Variants in F2RL1 observed in about 807,000 individuals in gnomAD.
F2RL1 encodes the protein proteinase-activated receptor 2.
F2RL1 carries 16 observed loss-of-function variants against 21.7 expected under a neutral mutation model. The observed-to-expected ratio is 0.74, with a 90% confidence interval of 0.50 to 1.12. The LOEUF (loss-of-function observed/expected upper bound fraction) is 1.12, where lower values mean the gene tolerates loss of function less well. Ranked by LOEUF, F2RL1 falls within the 50% of genes most tolerant of loss-of-function variation. The probability of loss-of-function intolerance (pLI) is 0.00; values close to 1 mark genes in which losing one functional copy is unlikely to be tolerated. For missense variants in F2RL1, 432 were observed against 477.8 expected (o/e 0.90, Z 0.89); for synonymous variants, 181 against 186.7 (o/e 0.97, Z 0.25).
At chr5:76,823,813 CTTT>C (rs5868840) in intron 1 of F2RL1, among the ~76,000 whole-genome samples, 2 of 127,224 alleles carry the variant, frequency 1.6e-5, no homozygotes, top group African/African-American at 3.0e-5. Flanking sequence ...TCTGTACAAA[CTTT>C]TTTTTTTTTT....
In F2RL1 at chr5:76,832,894, C is replaced by T; in HGVS notation, c.287C>T (p.Ala96Val). The T allele has an allele frequency of 6.2e-7, 1 of 1,614,198 alleles. No homozygotes were observed. Among genetic ancestry groups the T allele is most frequent in the Non-Finnish European group, 8.5e-7 (1 of 1,180,036 alleles). The change falls in exon 2 of 2, where the codon GCC (alanine) becomes GTC (valine). Residue 96 changes from alanine (A) to valine (V), a missense_variant. Coordinates refer to ENST00000296677, the MANE Select transcript of F2RL1 (RefSeq NM_005242.6). Reference protein sequence around the residue: ...FVVGLPSNGMALWVFLFRTKK... With the variant: ...FVVGLPSNGMVLWVFLFRTKK... Reference sequence around the variant, plus strand: ...GTGGGTTTGCCAAGTAACGGCATGGCCCTGTGGGTCTTTCTTTTCCGAACT... The same window carrying T: ...GTGGGTTTGCCAAGTAACGGCATGGTCCTGTGGGTCTTTCTTTTCCGAACT...
intron 1 of F2RL1, among the ~76,000 whole-genome samples, chr5:76,825,207 A>T (rs2243033): frequency 0.012 from 1,828 of 151,970 alleles, 48 homozygotes; most frequent in African/African-American, 0.042. Context: ...GGGTTTCACC[A>T]TGTTGGTCAG....
At chr5:76,822,558 G>A (rs183789006) in intron 1 of F2RL1, among the ~76,000 whole-genome samples, 1 of 152,278 alleles carries the variant, frequency 6.6e-6, no homozygotes, top group Admixed American at 6.5e-5. Context: ...TGAACTGGAA[G>A]ATAGGACTTT....
In F2RL1 at chr5:76,833,393, T is replaced by C. The variant is rs758665144; in HGVS notation, c.786T>C (p.Tyr262=). 3 of 1,613,928 alleles carry C rather than the reference T, an allele frequency of 1.9e-6. No individual in the cohort carries two copies. The highest frequency in any genetic ancestry group is 2.5e-6 in the Non-Finnish European group (3 of 1,180,034). Residue 262 remains tyrosine (Y), a synonymous_variant, in exon 2 of 2, where the codon TAT becomes TAC. Coordinates refer to ENST00000296677, the MANE Select transcript of F2RL1 (RefSeq NM_005242.6). The part of the protein sequence containing the change: ...LFPAFLTASA[Y]VLMIRMLRSS... Reference sequence around the variant, plus strand: ...CAGCCTTCCTCACAGCCTCTGCCTATGTGCTGATGATCAGAATGCTGCGAT... The same window carrying C: ...CAGCCTTCCTCACAGCCTCTGCCTACGTGCTGATGATCAGAATGCTGCGAT...
At position 76,832,809 on chromosome 5, in the gene F2RL1, GTCC is replaced by G; in HGVS notation, c.205_207del (p.Leu69del). On this transcript the variant is annotated inframe_deletion, in exon 2 of 2. Transcript: ENST00000296677. ...TTCTGTGGATGAGTTTTCTGCATCT[GTCC>G]TCACTGGAAAACTGACCACTGTCTT... 3 of 1,614,222 alleles carry G rather than the reference GTCC, an allele frequency of 1.9e-6. No homozygotes were observed. In the South Asian group the frequency reaches 3.3e-5, roughly 18 times the overall value.
At chr5:76,831,943 A>G (rs1388805952) in intron 1 of F2RL1, among the ~76,000 whole-genome samples, 4 of 151,724 alleles carry the variant, frequency 2.6e-5, no homozygotes, top group Non-Finnish European at 5.9e-5. Flanking sequence ...GGAGGCCAAG[A>G]TGGGAGGATC....
chr5:76,828,501 T>A (rs879132428), intron 1 of F2RL1, among the ~76,000 whole-genome samples: 4 of 144,232 alleles, frequency 2.8e-5, no homozygotes, highest in Admixed American at 6.9e-5. Flanking sequence ...TTTTTTTTTT[T>A]AATATAGAGA....
chr5:76,832,890 A>G lies in F2RL1; in HGVS notation c.283A>G (p.Met95Val). 6.2e-7 allele frequency: 1 copy of G among 1,614,226 alleles called. No homozygotes were observed. The highest frequency in any genetic ancestry group is 1.6e-4 in the Middle Eastern group (1 of 6,062). ...TGTGGTGGGTTTGCCAAGTAACGGC[A>G]TGGCCCTGTGGGTCTTTCTTTTCCG... is the stretch of plus-strand genomic sequence containing the variant. Reference protein sequence around the residue: ...VFVVGLPSNGMALWVFLFRTK... With the variant: ...VFVVGLPSNGVALWVFLFRTK... Residue 95 changes from methionine (M) to valine (V), a missense_variant, in exon 2 of 2, where the codon ATG becomes GTG. Physicochemically the swap from Met to Val is conservative, Grantham distance 21. Coordinates refer to ENST00000296677, the MANE Select transcript of F2RL1 (RefSeq NM_005242.6).
intron 1 of F2RL1, among the ~76,000 whole-genome samples, chr5:76,824,412 A>ACCT (rs1481923025): frequency 6.0e-5 from 9 of 150,376 alleles, no homozygotes; most frequent in Non-Finnish European, 1.2e-4. Context: ...GCTCACTGCA[A>ACCT]CCTCCGCCTC....
intron 1 of F2RL1, among the ~76,000 whole-genome samples, chr5:76,822,271 G>A (rs1186189905): frequency 1.3e-5 from 2 of 151,902 alleles, no homozygotes; most frequent in African/African-American, 2.4e-5. Flanking sequence ...AGGCTGTAGT[G>A]CAGTGGCACG....
Position 76,834,921 on chromosome 5 carries a change from C to CT in F2RL1, c.*1121dup, listed in dbSNP as rs1451361365. 2 of 152,282 alleles carry CT rather than the reference C, an allele frequency of 1.3e-5. No homozygotes were observed. The highest frequency in any genetic ancestry group is 4.8e-5 in the African/African-American group (2 of 41,424). 9.4% of individuals were successfully genotyped at this position (152,282 alleles called of 1,614,324 possible). A position where few individuals can be genotyped will look rare whatever the true frequency, so the allele number is the denominator to read the frequency against. On this transcript the variant is annotated 3_prime_UTR_variant, in exon 2 of 2. Transcript: ENST00000296677. ...TTTGAATTATTTCTTTATTAACCCT[C>CT]TGAGTTTTTGTATGTATTATTATTA...
At chr5:76,822,407 G>A (rs1364584647) in intron 1 of F2RL1, among the ~76,000 whole-genome samples, 2 of 152,010 alleles carry the variant, frequency 1.3e-5, no homozygotes, top group Non-Finnish European at 1.5e-5. Flanking sequence ...TGGTATAAAC[G>A]GGGTTTCGCC....
At chr5:76,821,740 C>T (rs1750140477) in intron 1 of F2RL1, among the ~76,000 whole-genome samples, 1 of 151,708 alleles carries the variant, frequency 6.6e-6, no homozygotes, top group South Asian at 2.1e-4. Flanking sequence ...CCACCACCCC[C>T]AGCTAATTTT....
At chr5:76,824,841 A>G (rs1358130187) in intron 1 of F2RL1, among the ~76,000 whole-genome samples, 2 of 152,150 alleles carry the variant, frequency 1.3e-5, no homozygotes, top group African/African-American at 2.4e-5. Flanking sequence ...ATATTATATC[A>G]ATTTATATTC....
intron 1 of F2RL1, among the ~76,000 whole-genome samples, chr5:76,819,867 C>G (rs1222296931): frequency 6.6e-6 from 1 of 152,132 alleles, no homozygotes; most frequent in Non-Finnish European, 1.5e-5. Flanking sequence ...CCACCCGGGT[C>G]CCGCTGCTCC....
intron 1 of F2RL1, among the ~76,000 whole-genome samples, chr5:76,821,586 G>GA (rs1750137158): frequency 9.7e-6 from 1 of 102,806 alleles, no homozygotes; most frequent in African/African-American, 3.6e-5. Context: ...TGGTTTTTTG[G>GA]GTTTTTTTTT....
chr5:76,819,032 A>T lies in F2RL1; in HGVS notation c.-151A>T, dbSNP rs142631248. 0.017 allele frequency: 11,013 copies of T among 655,188 alleles called. 124 individuals carry two copies. The highest frequency in any genetic ancestry group is 0.022 in the Non-Finnish European group (8,607 of 391,470). The allele number at this position is 655,188 out of a possible 1,614,324, so 40.6% of individuals were successfully genotyped here. A position where few individuals can be genotyped will look rare whatever the true frequency, so the allele number is the denominator to read the frequency against. On this transcript the variant is annotated 5_prime_UTR_variant, in exon 1 of 2. Coordinates refer to ENST00000296677, the MANE Select transcript of F2RL1 (RefSeq NM_005242.6). ...TACGCTGCTCCTTCGGTTTCCCTGA[A>T]ACCTAACCCGCCCTGGGGAGGCGCG...
intron 1 of F2RL1, among the ~76,000 whole-genome samples, chr5:76,824,636 TC>T (rs2243030): frequency 0.012 from 1,834 of 152,246 alleles, 49 homozygotes; most frequent in African/African-American, 0.042. Context: ...CCTGAACTAC[TC>T]CCCTTTTTGA....
intron 1 of F2RL1, among the ~76,000 whole-genome samples, chr5:76,827,464 A>T (rs1314459120): frequency 6.6e-6 from 1 of 150,628 alleles, no homozygotes; most frequent in Non-Finnish European, 1.5e-5. Flanking sequence ...GCGCCACTGC[A>T]CTCCAGCCTG....
Sources: gnomAD v4.1 joint callset for allele counts (sites outside exome capture counted in the v4.1 genomes callset) on GRCh38, gnomAD v4.1.1 for gene constraint, MANE v1.5 for transcripts, NCBI Gene and HGNC (gene_info 2026-07-23, HGNC 2026-07-21) for gene names.